Variants in SIL1 observed in about 807,000 individuals in gnomAD.
SIL1 encodes nucleotide exchange factor SIL1.
In SIL1, 40 loss-of-function variants were observed where a neutral mutation model predicts 49.1. The ratio of observed to expected loss-of-function variants is 0.81; its 90% CI spans 0.63 to 1.06. SIL1 has a LOEUF of 1.06. SIL1 is among the 50% of genes least tolerant of loss of function. The probability of loss-of-function intolerance (pLI) is 0.00; values close to 1 mark genes in which losing one functional copy is unlikely to be tolerated. For missense variants in SIL1, 500 were observed against 572.6 expected, an observed-to-expected ratio of 0.87 and a Z score of 1.29; for synonymous variants, 253 against 250.8, an observed-to-expected ratio of 1.01 and a Z score of -0.08.
intron 9 of SIL1, among the ~76,000 whole-genome samples, chr5:138,950,542 G>A (rs1290038501): frequency 2.0e-5 from 3 of 152,206 alleles, no homozygotes; most frequent in South Asian, 2.1e-4. Flanking sequence ...TCTGGGGAGC[G>A]TGTGGCCCGA....
At chr5:139,063,375 A>G (rs558222189) in intron 3 of SIL1, among the ~76,000 whole-genome samples, 27 of 152,290 alleles carry the variant, frequency 1.8e-4, no homozygotes, top group African/African-American at 5.5e-4. Context: ...AAAGGGGGCC[A>G]CTTTCATGTG....
intron 7 of SIL1, among the ~76,000 whole-genome samples, chr5:138,960,979 A>G (rs1040748386): frequency 6.6e-6 from 1 of 152,148 alleles, no homozygotes; most frequent in African/African-American, 2.4e-5. Context: ...TGGTGGTTAC[A>G]TGGGTGTCTC....
intron 1 of SIL1, among the ~76,000 whole-genome samples, chr5:139,159,393 A>T (rs1751464770): frequency 6.6e-6 from 1 of 152,244 alleles, no homozygotes; most frequent in African/African-American, 2.4e-5. Flanking sequence ...AAGTTTCTGA[A>T]ACGTAAGACC....
chr5:139,040,153 G>C (rs1769006374), intron 5 of SIL1, among the ~76,000 whole-genome samples: 1 of 152,142 alleles, frequency 6.6e-6, no homozygotes, highest in Non-Finnish European at 1.5e-5. Flanking sequence ...AACAAAAATA[G>C]GATGATATCT....
chr5:139,185,597 A>G (rs1288981649), intron 1 of SIL1, among the ~76,000 whole-genome samples: 1 of 152,214 alleles, frequency 6.6e-6, no homozygotes, highest in African/African-American at 2.4e-5. Context: ...ATATGTTTCA[A>G]ATTTGAAAAG....
chr5:139,168,562 C>G (rs1008634877), intron 1 of SIL1, among the ~76,000 whole-genome samples: 1 of 152,084 alleles, frequency 6.6e-6, no homozygotes, highest in Non-Finnish European at 1.5e-5. Flanking sequence ...CCTCCCAGCC[C>G]GGTTGCAAGC....
chr5:138,969,439 C>G (rs1767224289), intron 7 of SIL1, among the ~76,000 whole-genome samples: 1 of 152,226 alleles, frequency 6.6e-6, no homozygotes, highest in Non-Finnish European at 1.5e-5. Context: ...TAACACAGTA[C>G]CAGCCCAACT....
intron 7 of SIL1, among the ~76,000 whole-genome samples, chr5:138,960,686 C>T (rs1463548350): frequency 6.6e-6 from 1 of 152,166 alleles, no homozygotes. Flanking sequence ...GAACTCCTGG[C>T]CTCAAGTGAT....
chr5:139,187,315 G>A (rs1189252756), intron 1 of SIL1, among the ~76,000 whole-genome samples: 1 of 152,072 alleles, frequency 6.6e-6, no homozygotes, highest in South Asian at 2.1e-4. Context: ...TCAGGAGCTC[G>A]AGGCCAGCCT....
At chr5:139,141,892 T>G (rs774892571) in intron 1 of SIL1, among the ~76,000 whole-genome samples, 1 of 152,338 alleles carries the variant, frequency 6.6e-6, no homozygotes, top group East Asian at 1.9e-4. Flanking sequence ...CCTTATCAGC[T>G]GACTTGTTCT....
At chr5:138,982,759 G>T (rs1767556460) in intron 7 of SIL1, among the ~76,000 whole-genome samples, 1 of 152,178 alleles carries the variant, frequency 6.6e-6, no homozygotes, top group South Asian at 2.1e-4. Flanking sequence ...CTTTTCAGAT[G>T]TTTAGCAAAG....
chr5:139,044,825 T>A (rs1160924318), intron 4 of SIL1, among the ~76,000 whole-genome samples: 1 of 152,186 alleles, frequency 6.6e-6, no homozygotes, highest in Non-Finnish European at 1.5e-5. Flanking sequence ...ATCCTGCCAT[T>A]TCCCTGCTCT....
At chr5:138,956,742 TAA>T (rs57796613) in intron 7 of SIL1, among the ~76,000 whole-genome samples, 10 of 133,932 alleles carry the variant, frequency 7.5e-5, no homozygotes, top group East Asian at 2.1e-4. Flanking sequence ...GACTCTATCT[TAA>T]AAAAAAAAAA....
intron 3 of SIL1, among the ~76,000 whole-genome samples, chr5:139,072,415 T>A (rs1769854835): frequency 6.6e-6 from 1 of 152,216 alleles, no homozygotes; most frequent in South Asian, 2.1e-4. Flanking sequence ...TACAGCCAAT[T>A]GATTTTTGAC....
chr5:139,172,386 C>A (rs1751789156), intron 1 of SIL1, among the ~76,000 whole-genome samples: 2 of 152,170 alleles, frequency 1.3e-5, no homozygotes, highest in Non-Finnish European at 2.9e-5. Context: ...GGAATCCCAG[C>A]ACTTTGGGAG....
At chr5:139,063,941 A>G (rs1769647246) in intron 3 of SIL1, among the ~76,000 whole-genome samples, 1 of 152,234 alleles carries the variant, frequency 6.6e-6, no homozygotes. Flanking sequence ...TGTATTCTAA[A>G]CATACCCTTT....
At chr5:139,041,642 GA>G (rs2150445570) in intron 5 of SIL1, among the ~76,000 whole-genome samples, 1 of 151,990 alleles carries the variant, frequency 6.6e-6, no homozygotes, top group African/African-American at 2.4e-5. Flanking sequence ...CATCTCTACT[GA>G]AAACATAAAA....
intron 1 of SIL1, among the ~76,000 whole-genome samples, chr5:139,155,662 T>TAA (rs1055360938): frequency 6.6e-6 from 1 of 151,950 alleles, no homozygotes; most frequent in Admixed American, 6.6e-5. Flanking sequence ...TAATACCCCC[T>TAA]AAAGGGAGAG....
At chr5:139,057,083 G>A (rs1769464078) in intron 3 of SIL1, among the ~76,000 whole-genome samples, 1 of 151,924 alleles carries the variant, frequency 6.6e-6, no homozygotes, top group African/African-American at 2.4e-5. Flanking sequence ...TAAGGGCGCT[G>A]CAAGATGTGC....
Sources: gnomAD v4.1 joint callset for allele counts (sites outside exome capture counted in the v4.1 genomes callset) on GRCh38, gnomAD v4.1.1 for gene constraint, MANE v1.5 for transcripts, NCBI Gene and HGNC (gene_info 2026-07-23, HGNC 2026-07-21) for gene names.